Variants in PARP4 observed in about 807,000 individuals in gnomAD.
PARP4 encodes protein mono-ADP-ribosyltransferase PARP4.
A neutral mutation model predicts 187.7 loss-of-function variants in PARP4; 120 were observed. The ratio of observed to expected loss-of-function variants is 0.64; its 90% CI spans 0.55 to 0.74. The LOEUF (loss-of-function observed/expected upper bound fraction) is 0.74, where lower values mean the gene tolerates loss of function less well. Among genes scored for constraint, PARP4 ranks in the 30% least tolerant of loss-of-function variants. The pLI is 0.00. For synonymous variants in PARP4, 654 were observed against 740.9 expected (o/e 0.88, Z 1.90); for missense variants, 1,836 against 2,070.5 (o/e 0.89, Z 2.20).
At chr13:24,437,630 A>G (rs1870696430) in intron 30 of PARP4, among the ~76,000 whole-genome samples, 1 of 152,326 alleles carries the variant, frequency 6.6e-6, no homozygotes, top group Admixed American at 6.5e-5. Flanking sequence ...TCATTCATAA[A>G]GAAACAAAAA....
chr13:24,426,736 ATAC>A, intron 32 of PARP4, 138 bp from the exon 33 acceptor site: 2 of 760,746 alleles, frequency 2.6e-6, no homozygotes, highest in Non-Finnish European at 4.2e-6. Flanking sequence ...AAAAAAAAAA[ATAC>A]AAAAAATTAG....
chr13:24,434,148 G>A (rs950678200), intron 31 of PARP4, among the ~76,000 whole-genome samples: 5 of 152,200 alleles, frequency 3.3e-5, no homozygotes, highest in African/African-American at 1.2e-4. Context: ...ACCAGCATGA[G>A]GTTCTGGTCT....
chr13:24,497,516 A>C (rs1036408584), intron 6 of PARP4, among the ~76,000 whole-genome samples: 4 of 152,184 alleles, frequency 2.6e-5, no homozygotes, highest in Non-Finnish European at 5.9e-5. Context: ...TACACCCTGC[A>C]CCCAGTAAAC....
chr13:24,503,508 T>TCA, intron 2 of PARP4, 137 bp downstream of exon 2: 1 of 1,024,434 alleles, frequency 9.8e-7, no homozygotes, highest in Non-Finnish European at 1.5e-6. Context: ...ATGGGCCATG[T>TCA]CAGTCTCTCC....
chr13:24,469,767 T>C (rs1872651138), intron 16 of PARP4, 127 bp downstream of exon 16: 6 of 967,856 alleles, frequency 6.2e-6, no homozygotes, highest in Non-Finnish European at 9.0e-6. Flanking sequence ...CTTCAAAGAA[T>C]ATTCTCGTTT....
intron 21 of PARP4, 125 bp from the exon 22 acceptor site, chr13:24,455,337 T>C: frequency 1.8e-6 from 1 of 561,678 alleles, no homozygotes; most frequent in Non-Finnish European, 2.9e-6. Flanking sequence ...AAGAATAAGA[T>C]GTAATTAACA....
chr13:24,479,641 T>C (rs951097377), intron 12 of PARP4, among the ~76,000 whole-genome samples: 11 of 152,160 alleles, frequency 7.2e-5, no homozygotes, highest in Middle Eastern at 3.2e-3. Context: ...AGAACCTTTG[T>C]GTCTAGCTCA....
Position 24,435,000 on chromosome 13 carries a change from C to T in PARP4, c.4141G>A (p.Ala1381Thr), listed in dbSNP as rs1360675770. 3 of 1,613,910 alleles carry T rather than the reference C, an allele frequency of 1.9e-6. No homozygotes were observed. The African/African-American group carries it at 4.0e-5, about 22-fold the overall frequency. ...GTCADWIPQS[A>T]SCPTGPPQNP... ...TGGGGAGGTCCTGTGGGACAAGACG[C>T]CGACTGTGGGATCCAGTCAGCACAA... Residue 1381 changes from alanine to threonine, a missense_variant, in exon 31 of 34, where the codon GCG becomes ACG. Around this residue, in one of 8 missense-constraint regions of PARP4, gnomAD observed 450 missense variants for 439.2 expected, o/e 1.02. Coordinates refer to ENST00000381989, the MANE Select transcript of PARP4 (RefSeq NM_006437.4).
Position 24,501,705 on chromosome 13 carries a change from C to T in PARP4, c.262G>A (p.Asp88Asn). The change falls in exon 3 of 34, where the codon GAT becomes AAT. Residue 88 changes from aspartate (D) to asparagine (N), a missense_variant. Transcript: ENST00000381989. ...WKSIREKRLL[D>N]VKNYDPYKPL... Reference sequence around the variant, plus strand: ...TTATAAGGATCATAATTCTTTACATCCAAGAGTCTCTTTTCCCTGATAGAT... The same window carrying T: ...TTATAAGGATCATAATTCTTTACATTCAAGAGTCTCTTTTCCCTGATAGAT... 1 of 1,613,270 alleles carries T rather than the reference C, an allele frequency of 6.2e-7. No homozygotes were observed. Among genetic ancestry groups the T allele is most frequent in the Non-Finnish European group, 8.5e-7 (1 of 1,179,308 alleles).
chr13:24,462,748 T>C (rs1207931675), intron 17 of PARP4, among the ~76,000 whole-genome samples: 3 of 152,184 alleles, frequency 2.0e-5, no homozygotes, highest in Admixed American at 2.0e-4. Flanking sequence ...ACAAACACAT[T>C]ATCAAAGTTG....
chr13:24,503,733 A>T lies in PARP4; in HGVS notation c.44T>A (p.Val15Glu). Residue 15 changes from valine (V) to glutamate (E), a missense_variant, in exon 2 of 34, where the codon GTG (valine) becomes GAG (glutamate). This residue lies in a region of PARP4 where 1,147 missense variants were observed against 1,214.2 expected (regional missense o/e 0.94). Coordinates refer to ENST00000381989, the MANE Select transcript of PARP4 (RefSeq NM_006437.4). ...IFANCIFCLK[V>E]KYLPQQQKKK... is the part of the protein sequence containing the mutation. ...CTTCTGCTGCTGAGGTAAGTACTTCACTTTCAAACAGAAGATACAATTTGC... is the reference window on the plus strand; with the variant it reads ...CTTCTGCTGCTGAGGTAAGTACTTCTCTTTCAAACAGAAGATACAATTTGC... 1 of 1,614,080 alleles carries T rather than the reference A, an allele frequency of 6.2e-7. No homozygotes were observed. Among genetic ancestry groups the T allele is most frequent in the Non-Finnish European group, 8.5e-7 (1 of 1,179,936 alleles).
intron 30 of PARP4, among the ~76,000 whole-genome samples, chr13:24,437,211 A>G (rs995514885): frequency 6.6e-6 from 1 of 152,180 alleles, no homozygotes; most frequent in Non-Finnish European, 1.5e-5. Context: ...TGCTAGGATA[A>G]ATTTCAATCA....
At chr13:24,471,009 G>A (rs1453279904) in intron 15 of PARP4, among the ~76,000 whole-genome samples, 1 of 152,154 alleles carries the variant, frequency 6.6e-6, no homozygotes, top group Non-Finnish European at 1.5e-5. Context: ...CCCAAGAGGA[G>A]GCAAACGTGC....
At chr13:24,477,201 T>C (rs1295255073) in intron 14 of PARP4, among the ~76,000 whole-genome samples, 6 of 152,344 alleles carry the variant, frequency 3.9e-5, no homozygotes, top group African/African-American at 1.2e-4. Context: ...GAAATGAGGC[T>C]GGCCATGGTG....
intron 25 of PARP4, 115 bp from the exon 26 acceptor site, chr13:24,447,301 T>C: frequency 1.7e-6 from 1 of 601,430 alleles, no homozygotes; most frequent in Non-Finnish European, 2.6e-6. Flanking sequence ...CTCTGGTATT[T>C]TCTCTCCTTC....
chr13:24,435,016 G>C lies in PARP4; in HGVS notation c.4125C>G (p.Asp1375Glu), dbSNP rs1255508848. 1 of 1,613,848 alleles carries C rather than the reference G, an allele frequency of 6.2e-7. No individual in the cohort carries two copies. The highest frequency in any genetic ancestry group is 1.3e-5 in the African/African-American group (1 of 74,928). The change falls in exon 31 of 34, where the codon GAC becomes GAG. Residue 1375 changes from aspartate to glutamate, a missense_variant. This residue lies in a region of PARP4 where 450 missense variants were observed against 439.2 expected (regional missense o/e 1.02). Transcript: ENST00000381989. The part of the protein sequence containing the change: ...SQGPVPGTCA[D>E]WIPQSASCPT... ...GACAAGACGCCGACTGTGGGATCCA[G>C]TCAGCACAAGTGCCAGGCACAGGGC...
chr13:24,470,334 C>T (rs560835706), intron 15 of PARP4, among the ~76,000 whole-genome samples: 51 of 152,264 alleles, frequency 3.3e-4, no homozygotes, highest in African/African-American at 1.2e-3. Flanking sequence ...TTGCCCCTTT[C>T]GTTTTGTGGG....
chr13:24,425,106 T>A (rs9578729), intron 33 of PARP4, among the ~76,000 whole-genome samples: 65,591 of 151,476 alleles, frequency 0.43, 14,972 homozygotes, highest in African/African-American at 0.59. Context: ...GTTCCAGACC[T>A]GCCTGGGTAA....
chr13:24,426,753 G>A (rs1208618052), intron 32 of PARP4, among the ~76,000 whole-genome samples, 155 bp from the exon 33 acceptor site: 1 of 151,670 alleles, frequency 6.6e-6, no homozygotes, highest in Non-Finnish European at 1.5e-5. Context: ...AAATTAGCCG[G>A]GGGTGGCAGG....
Sources: allele counts gnomAD v4.1 joint callset (sites outside exome capture counted in the v4.1 genomes callset), GRCh38; gene constraint gnomAD v4.1.1; regional missense constraint gnomAD v4.1.1; transcripts MANE v1.5; gene names NCBI Gene and HGNC (gene_info 2026-07-23, HGNC 2026-07-21).